HHAT: variants seen among roughly 807,000 people sequenced by gnomAD.
HHAT encodes the protein protein-cysteine N-palmitoyltransferase HHAT.
In HHAT, 47 loss-of-function variants were observed where a neutral mutation model predicts 70.8. The observed-to-expected ratio is 0.66, with a 90% CI of 0.53 to 0.85. The LOEUF (loss-of-function observed/expected upper bound fraction) is 0.85. Ranked by LOEUF, HHAT falls within the 40% of genes least tolerant of loss-of-function variation. The probability of loss-of-function intolerance (pLI) is 0.00; values close to 1 mark genes in which losing one functional copy is unlikely to be tolerated. For synonymous variants in HHAT, 228 were observed against 247.6 expected (o/e 0.92, Z 0.74); for missense variants, 609 against 604.8 (o/e 1.01, Z -0.07).
At chr1:210,376,426 G>A (rs928268691) in intron 3 of HHAT, among the ~76,000 whole-genome samples, 2 of 152,162 alleles carry the variant, frequency 1.3e-5, no homozygotes, top group Admixed American at 6.5e-5. Context: ...AGGGATAAAT[G>A]TGTGTACTAT....
At chr1:210,553,373 T>C (rs1287116388) in intron 9 of HHAT, among the ~76,000 whole-genome samples, 2 of 152,196 alleles carry the variant, frequency 1.3e-5, no homozygotes, top group Non-Finnish European at 2.9e-5. Context: ...AGAGCTTCCC[T>C]AGATTCAGGA....
chr1:210,441,508 A>G (rs1460042521), intron 7 of HHAT, among the ~76,000 whole-genome samples: 1 of 152,198 alleles, frequency 6.6e-6, no homozygotes, highest in African/African-American at 2.4e-5. Flanking sequence ...TATTCTACAA[A>G]TATGATAATT....
At chr1:210,386,234 T>TC (rs2091046510) in intron 3 of HHAT, among the ~76,000 whole-genome samples, 1 of 38,766 alleles carries the variant, frequency 2.6e-5, no homozygotes, top group Non-Finnish European at 4.6e-5. Flanking sequence ...TTTTTTCTTT[T>TC]TTTTTTTTTT....
At chr1:210,457,053 C>T (rs1057189002) in intron 7 of HHAT, among the ~76,000 whole-genome samples, 1 of 152,140 alleles carries the variant, frequency 6.6e-6, no homozygotes, top group African/African-American at 2.4e-5. Context: ...AAGCACGTTA[C>T]AGAACTCCTG....
At chr1:210,659,675 TACTG>T (rs1170913010) in intron 11 of HHAT, among the ~76,000 whole-genome samples, 1 of 152,152 alleles carries the variant, frequency 6.6e-6, no homozygotes, top group Non-Finnish European at 1.5e-5. Flanking sequence ...CCCAATAAAA[TACTG>T]GCAAACCAAA....
intron 7 of HHAT, among the ~76,000 whole-genome samples, chr1:210,440,681 C>G (rs570850559): frequency 6.6e-6 from 1 of 151,888 alleles, no homozygotes; most frequent in East Asian, 1.9e-4. Context: ...TGCTTCTTTC[C>G]AGGTGACTCC....
intron 10 of HHAT, among the ~76,000 whole-genome samples, chr1:210,616,983 A>G (rs1667886568): frequency 6.6e-6 from 1 of 152,226 alleles, no homozygotes; most frequent in South Asian, 2.1e-4. Flanking sequence ...TAGGATTGGG[A>G]TGATCTACAT....
At chr1:210,598,605 G>A (rs1013442040) in intron 10 of HHAT, among the ~76,000 whole-genome samples, 2 of 152,116 alleles carry the variant, frequency 1.3e-5, no homozygotes, top group Admixed American at 6.5e-5. Flanking sequence ...CTGTGACAGG[G>A]CAGCCCTGAG....
chr1:210,665,024 G>A (rs1678599700), intron 11 of HHAT, among the ~76,000 whole-genome samples: 1 of 152,106 alleles, frequency 6.6e-6, no homozygotes, highest in Admixed American at 6.5e-5. Flanking sequence ...CTTCCCCATT[G>A]GATATATCCC....
chr1:210,445,282 T>C (rs2093612855), intron 7 of HHAT, among the ~76,000 whole-genome samples: 1 of 152,206 alleles, frequency 6.6e-6, no homozygotes, highest in Non-Finnish European at 1.5e-5. Flanking sequence ...CCAGATAATC[T>C]ACAAGGATTT....
At chr1:210,605,917 C>T (rs1284623446) in intron 10 of HHAT, among the ~76,000 whole-genome samples, 1 of 151,904 alleles carries the variant, frequency 6.6e-6, no homozygotes, top group Non-Finnish European at 1.5e-5. Flanking sequence ...AGTGCAGTGG[C>T]TTGATCTTGG....
intron 10 of HHAT, among the ~76,000 whole-genome samples, chr1:210,612,143 C>A (rs539688117): frequency 2.9e-4 from 44 of 152,030 alleles, no homozygotes; most frequent in Non-Finnish European, 6.0e-4. Flanking sequence ...TTGGTAAAGG[C>A]CTGTTAATGT....
chr1:210,413,686 T>A (rs1005098850), intron 6 of HHAT, among the ~76,000 whole-genome samples: 1 of 152,242 alleles, frequency 6.6e-6, no homozygotes, highest in Non-Finnish European at 1.5e-5. Context: ...GGATTGCTTT[T>A]CATTCAGTTT....
At chr1:210,484,463 TTG>T in intron 8 of HHAT, among the ~76,000 whole-genome samples, 1 of 151,484 alleles carries the variant, frequency 6.6e-6, no homozygotes, top group African/African-American at 2.4e-5. Context: ...AGAATGAATT[TTG>T]TCTGATTTAT....
chr1:210,637,871 A>AAAAAAG (rs1553312396), intron 11 of HHAT, among the ~76,000 whole-genome samples: 32 of 117,500 alleles, frequency 2.7e-4, no homozygotes, highest in East Asian at 6.6e-4. Flanking sequence ...AAAAAAAAAA[A>AAAAAAG]GGGGGGGGCA....
intron 7 of HHAT, among the ~76,000 whole-genome samples, chr1:210,428,046 T>C (rs1221150088): frequency 6.7e-6 from 1 of 149,336 alleles, no homozygotes; most frequent in Non-Finnish European, 1.5e-5. Flanking sequence ...CATAATGTAA[T>C]GCCCTTCATT....
intron 11 of HHAT, among the ~76,000 whole-genome samples, chr1:210,632,864 A>ATACATG (rs1226596861): frequency 2.0e-5 from 3 of 152,272 alleles, no homozygotes; most frequent in Non-Finnish European, 4.4e-5. Flanking sequence ...TGCACAGAGG[A>ATACATG]AGATAATGTA....
intron 6 of HHAT, among the ~76,000 whole-genome samples, chr1:210,409,204 T>G (rs972023177): frequency 2.0e-5 from 3 of 152,136 alleles, no homozygotes; most frequent in African/African-American, 7.2e-5. Context: ...GTGAGAGAGA[T>G]ACTGTCATGA....
chr1:210,511,875 C>A (rs193181909), intron 8 of HHAT, among the ~76,000 whole-genome samples: 2 of 147,054 alleles, frequency 1.4e-5, no homozygotes, highest in Non-Finnish European at 3.0e-5. Context: ...CTGAAAGCTC[C>A]GCCTCCTGGG....
Sources: gnomAD v4.1 joint callset for allele counts (sites outside exome capture counted in the v4.1 genomes callset) on GRCh38, gnomAD v4.1.1 for gene constraint, MANE v1.5 for transcripts, NCBI Gene and HGNC (gene_info 2026-07-23, HGNC 2026-07-21) for gene names.